AGAP1: variants seen among roughly 807,000 people sequenced by gnomAD.
The protein encoded by AGAP1 is arf-GAP with GTPase, ANK repeat and PH domain-containing protein 1.
AGAP1 carries 29 observed loss-of-function variants against 105.3 expected under a neutral mutation model. The ratio of observed to expected loss-of-function variants is 0.28; its 90% CI spans 0.21 to 0.38. AGAP1 has a LOEUF of 0.38. Among genes scored for constraint, AGAP1 ranks in the 10% least tolerant of loss-of-function variants. The pLI is 1.00. For missense variants in AGAP1, 998 were observed against 1,165.1 expected, an observed-to-expected ratio of 0.86 and a Z score of 2.09; for synonymous variants, 509 against 485.9, an observed-to-expected ratio of 1.05 and a Z score of -0.63.
chr2:236,023,881 T>C (rs1277632367), intron 13 of AGAP1, among the ~76,000 whole-genome samples: 1 of 152,110 alleles, frequency 6.6e-6, no homozygotes, highest in Non-Finnish European at 1.5e-5. Flanking sequence ...GAACCTCCTC[T>C]CTCCCCAGGA....
intron 6 of AGAP1, among the ~76,000 whole-genome samples, chr2:235,779,207 G>A (rs1314761677): frequency 1.3e-5 from 2 of 152,190 alleles, no homozygotes; most frequent in Non-Finnish European, 2.9e-5. Context: ...ACTCGAGGGA[G>A]AAAAATCCTT....
At chr2:235,512,579 G>T (rs1942194030) in intron 1 of AGAP1, among the ~76,000 whole-genome samples, 1 of 152,296 alleles carries the variant, frequency 6.6e-6, no homozygotes, top group East Asian at 1.9e-4. Context: ...GGGCAACAGA[G>T]TGAGACCCTA....
chr2:235,624,265 A>G (rs182464624), intron 1 of AGAP1, among the ~76,000 whole-genome samples: 2 of 152,290 alleles, frequency 1.3e-5, no homozygotes, highest in African/African-American at 4.8e-5. Flanking sequence ...GTTGGTGTTT[A>G]TGGAAGAAAC....
intron 8 of AGAP1, among the ~76,000 whole-genome samples, chr2:235,803,533 G>A (rs1957687520): frequency 6.6e-6 from 1 of 152,184 alleles, no homozygotes; most frequent in Non-Finnish European, 1.5e-5. Context: ...GACTGGGATT[G>A]TAACACCCAG....
intron 12 of AGAP1, among the ~76,000 whole-genome samples, chr2:235,952,274 T>G (rs60637025): frequency 2.8e-4 from 42 of 151,546 alleles, no homozygotes; most frequent in African/African-American, 7.7e-4. Context: ...TCATTTGCAG[T>G]GGCCCAGCAA....
chr2:235,782,034 T>C (rs536945351), intron 6 of AGAP1, among the ~76,000 whole-genome samples: 1 of 152,278 alleles, frequency 6.6e-6, no homozygotes, highest in South Asian at 2.1e-4. Context: ...GAATTGTTGT[T>C]TTAAGGCCTA....
chr2:235,875,373 C>T lies in AGAP1; in HGVS notation c.1051-7972C>T, dbSNP rs1053615536. Among the ~76,000 whole-genome samples, 2 of 152,162 alleles carry T rather than the reference C, an allele frequency of 1.3e-5. No individual in the cohort carries two copies. The highest frequency in any genetic ancestry group is 4.8e-5 in the African/African-American group (2 of 41,420). On this transcript the variant is annotated intron_variant, in intron 9 of 17. Coordinates refer to ENST00000304032, the MANE Select transcript of AGAP1 (RefSeq NM_001037131.3). The surrounding 1 kb of genome is among the most constrained non-coding windows in gnomAD (Gnocchi z 4.0). ...AAGCCCACCGAGGTGCGAGTCTCACCATCGTGCTGTCTGCTGAGAGATCTG... is the reference window on the plus strand; with the variant it reads ...AAGCCCACCGAGGTGCGAGTCTCACTATCGTGCTGTCTGCTGAGAGATCTG...
intron 1 of AGAP1, among the ~76,000 whole-genome samples, chr2:235,591,108 C>T (rs1164798773): frequency 2.0e-5 from 3 of 152,034 alleles, no homozygotes; most frequent in Non-Finnish European, 4.4e-5. Context: ...CTCTGCCTTC[C>T]GGGTTCAAGC....
rs1352788689 is a variant in AGAP1, at chr2:235,845,708, G to T, written c.1051-37637G>T. Among the ~76,000 whole-genome samples, 1 of 151,834 alleles carries T rather than the reference G, an allele frequency of 6.6e-6. No individual in the cohort carries two copies. The highest frequency in any genetic ancestry group is 2.4e-5 in the African/African-American group (1 of 41,298). ...CACGGAGTCACCCAAGTCACCAGCC[G>T]GGACTATTCCTGATGTCATCTATTA... On this transcript the variant is annotated intron_variant, in intron 9 of 17. Transcript: ENST00000304032. This position sits in a 1 kb window ranked among gnomAD's most constrained non-coding sequence, Gnocchi z 4.8.
At chr2:236,117,014 T>C (rs1576343597) in intron 16 of AGAP1, among the ~76,000 whole-genome samples, 1 of 152,182 alleles carries the variant, frequency 6.6e-6, no homozygotes, top group Non-Finnish European at 1.5e-5. Context: ...TTGATGGCCA[T>C]TGGGGTAGGT....
chr2:235,810,119 G>C lies in AGAP1; in HGVS notation c.1050+2788G>C, dbSNP rs182204219. On this transcript the variant is annotated intron_variant, in intron 9 of 17. Transcript: ENST00000304032. ...AGCAAAGTTACATGTTTTAAATTAAGTAAGTGAACCACGACCTGAGACAAA... is the reference window on the plus strand; with the variant it reads ...AGCAAAGTTACATGTTTTAAATTAACTAAGTGAACCACGACCTGAGACAAA... 3.9e-3 allele frequency among the ~76,000 whole-genome samples: 589 copies of C among 152,316 alleles called. 2 individuals are homozygous for C. Among genetic ancestry groups the C allele is most frequent in the Non-Finnish European group, 5.9e-3 (400 of 68,024 alleles).
chr2:235,655,866 A>G lies in AGAP1; in HGVS notation c.164-53313A>G, dbSNP rs1473520253. 6.6e-6 allele frequency among the ~76,000 whole-genome samples: 1 copy of G among 152,214 alleles called. No homozygotes were observed. The highest frequency in any genetic ancestry group is 1.9e-4 in the East Asian group (1 of 5,196). ...GAGGCACCATCCTGGATGCTGGGGA[A>G]GAATCTTTGTTGGAATATGACCCTG... is the stretch of plus-strand genomic sequence containing the variant. On this transcript the variant is annotated intron_variant, in intron 1 of 17. Transcript: ENST00000304032. This position sits in a 1 kb window ranked among gnomAD's most constrained non-coding sequence, Gnocchi z 4.3.
chr2:235,660,534 A>G lies in AGAP1; in HGVS notation c.164-48645A>G, dbSNP rs573382535. 6.6e-6 allele frequency among the ~76,000 whole-genome samples: 1 copy of G among 152,204 alleles called. No individual in the cohort carries two copies. The highest frequency in any genetic ancestry group is 2.4e-5 in the African/African-American group (1 of 41,538). On this transcript the variant is annotated intron_variant, in intron 1 of 17. Transcript: ENST00000304032. The surrounding 1 kb of genome is among the most constrained non-coding windows in gnomAD (Gnocchi z 5.3). Reference sequence around the variant, plus strand: ...CAAGGAAGAGTGCCCAGGTGTGCACAGGTGTGCCCAGGTATGAGGGGAGAA... The same window carrying G: ...CAAGGAAGAGTGCCCAGGTGTGCACGGGTGTGCCCAGGTATGAGGGGAGAA...
chr2:235,999,308 ATGG>A (rs1164925574), intron 13 of AGAP1, among the ~76,000 whole-genome samples: 1,233 of 30,248 alleles, frequency 0.041, 23 homozygotes, highest in African/African-American at 0.16. Flanking sequence ...GGTGATGGTG[ATGG>A]TGGTGGTGGT....
chr2:235,850,418 C>T (rs1268667003), intron 9 of AGAP1, among the ~76,000 whole-genome samples: 1 of 152,236 alleles, frequency 6.6e-6, no homozygotes, highest in Non-Finnish European at 1.5e-5. Flanking sequence ...CTGATGTGGT[C>T]TCCTTGGTCC....
chr2:236,075,808 G>A (rs1357884453), intron 16 of AGAP1, among the ~76,000 whole-genome samples: 1 of 152,176 alleles, frequency 6.6e-6, no homozygotes, highest in Non-Finnish European at 1.5e-5. Context: ...TCAAGATGCC[G>A]CCATTGATTC....
At chr2:236,029,371 G>A (rs563516694) in intron 13 of AGAP1, among the ~76,000 whole-genome samples, 1 of 151,390 alleles carries the variant, frequency 6.6e-6, no homozygotes, top group Non-Finnish European at 1.5e-5. Flanking sequence ...CGCCTCCCAG[G>A]TTCAAGTGAT....
At chr2:235,606,792 A>C (rs1255898241) in intron 1 of AGAP1, among the ~76,000 whole-genome samples, 1 of 152,076 alleles carries the variant, frequency 6.6e-6, no homozygotes, top group East Asian at 1.9e-4. Flanking sequence ...CTACTAAAAT[A>C]CAAAAAATTA....
intron 9 of AGAP1, among the ~76,000 whole-genome samples, chr2:235,859,403 C>A (rs1025229227): frequency 7.2e-5 from 7 of 96,810 alleles, no homozygotes; most frequent in African/African-American, 1.4e-4. Flanking sequence ...TCCCCCCCCC[C>A]CCCCGCCTTT....
Sources: gnomAD v4.1 joint callset for allele counts (sites outside exome capture counted in the v4.1 genomes callset) on GRCh38, gnomAD v4.1.1 for gene constraint, Gnocchi (gnomAD v3.1) non-coding constraint, MANE v1.5 for transcripts, NCBI Gene and HGNC (gene_info 2026-07-23, HGNC 2026-07-21) for gene names.